Variants in GCM1 observed in about 807,000 individuals in gnomAD.
The protein encoded by GCM1 is chorion-specific transcription factor GCMa.
In GCM1, 2 loss-of-function variants were observed where a neutral mutation model predicts 25.7. The observed-to-expected ratio is 0.08, with a 90% confidence interval of 0.03 to 0.24. GCM1 has a LOEUF of 0.24. Among genes scored for constraint, GCM1 ranks in the 10% least tolerant of loss-of-function variants. The pLI is 1.00. For synonymous variants in GCM1, 183 were observed against 195.7 expected (o/e 0.94, Z 0.54); for missense variants, 395 against 538.7 (o/e 0.73, Z 2.64).
chr6:53,128,575 G>A lies in GCM1; in HGVS notation c.942C>T (p.Ser314=). The A allele has an allele frequency of 6.2e-7, 1 of 1,614,044 alleles. No homozygotes were observed. The highest frequency in any genetic ancestry group is 8.5e-7 in the Non-Finnish European group (1 of 1,179,988). The stretch of plus-strand genomic sequence containing the variant: ...AGCTGGTCAGAGGAAAAGGATAATT[G>A]GAATAACAGTTGTCAGCAAGATGAT... ...GRNHLADNCY[S]NYPFPLTSWP... is the part of the protein sequence containing the mutation. Residue 314 remains serine, a synonymous_variant, in exon 6 of 6, where the codon TCC becomes TCT. Coordinates refer to ENST00000259803, the MANE Select transcript of GCM1 (RefSeq NM_003643.4).
intron 2 of GCM1, among the ~76,000 whole-genome samples, chr6:53,136,898 C>T (rs1396852162): frequency 1.3e-5 from 2 of 152,170 alleles, no homozygotes; most frequent in East Asian, 1.9e-4. Flanking sequence ...ATCTCTTGAA[C>T]CTGGGAGGTG....
chr6:53,140,547 A>AAAAAAAAAAAAAAT (rs398001594), intron 2 of GCM1, among the ~76,000 whole-genome samples: 2 of 151,182 alleles, frequency 1.3e-5, no homozygotes, highest in Non-Finnish European at 3.0e-5. Flanking sequence ...AAAAAAAAAA[A>AAAAAAAAAAAAAAT]GTACTTAAAC....
chr6:53,134,594 G>GCCCTC (rs764567698), intron 2 of GCM1, among the ~76,000 whole-genome samples: 28 of 152,276 alleles, frequency 1.8e-4, no homozygotes, highest in Middle Eastern at 3.4e-3. Context: ...CACTTCCCTA[G>GCCCTC]CCCTCAGTGA....
At chr6:53,129,138 C>T (rs1581848263) in intron 5 of GCM1, among the ~76,000 whole-genome samples, 192 bp from the exon 6 acceptor site, 1 of 152,198 alleles carries the variant, frequency 6.6e-6, no homozygotes, top group Admixed American at 6.5e-5. Context: ...AAAGCAAAGG[C>T]TGCCTCTGTT....
At chr6:53,142,025 A>G (rs1562090901) in intron 2 of GCM1, among the ~76,000 whole-genome samples, 4 of 138,866 alleles carry the variant, frequency 2.9e-5, no homozygotes, top group Non-Finnish European at 6.2e-5. Flanking sequence ...AAAAAAAAAA[A>G]AAAAAAAAAA....
chr6:53,139,495 CAAAAAAAA>C (rs58094365), intron 2 of GCM1, among the ~76,000 whole-genome samples: 1 of 105,832 alleles, frequency 9.4e-6, no homozygotes. Flanking sequence ...ACCCCCATCT[CAAAAAAAA>C]AAAAAAAAAA....
At chr6:53,132,432 C>A (rs1426970629) in intron 3 of GCM1, among the ~76,000 whole-genome samples, 1 of 152,168 alleles carries the variant, frequency 6.6e-6, no homozygotes, top group Non-Finnish European at 1.5e-5. Context: ...AAATTCTGAC[C>A]AGGCACAGTG....
chr6:53,131,119 C>A (rs1763719209), intron 4 of GCM1, among the ~76,000 whole-genome samples, 188 bp from the exon 5 acceptor site: 3 of 152,234 alleles, frequency 2.0e-5, no homozygotes, highest in African/African-American at 7.2e-5. Context: ...GCCTGCCTCT[C>A]ACCCACCCAG....
intron 1 of GCM1, among the ~76,000 whole-genome samples, chr6:53,146,703 T>A (rs1289816464): frequency 1.3e-5 from 2 of 152,180 alleles, no homozygotes; most frequent in Non-Finnish European, 2.9e-5. Context: ...TTCTTTGTTG[T>A]GGGGAGCTTT....
At position 53,134,147 on chromosome 6, in the gene GCM1, C is replaced by T. The variant is rs758477182; in HGVS notation, c.253G>A (p.Asp85Asn). The change falls in exon 3 of 6, where the codon GAC becomes AAC. Residue 85 changes from aspartate (D) to asparagine (N), a missense_variant. Physicochemically the swap from Asp to Asn is conservative, Grantham distance 23. This residue lies in a region of GCM1 where 21 missense variants were observed against 22.9 expected (regional missense o/e 0.92). Transcript: ENST00000259803. The stretch of plus-strand genomic sequence containing the variant: ...TTGCGCCCCTCCTCTGCGAGACAGT[C>T]GCGGCCGCACACCACCACACCCAGG... ...SCLGVVVCGR[D>N]CLAEEGRKIY... 1.4e-5 allele frequency: 23 copies of T among 1,613,968 alleles called. No homozygotes were observed. The Admixed American group carries it at 1.5e-4, about 11-fold the overall frequency.
At chr6:53,135,898 T>C (rs529377161) in intron 2 of GCM1, among the ~76,000 whole-genome samples, 6 of 152,368 alleles carry the variant, frequency 3.9e-5, no homozygotes, top group South Asian at 4.1e-4. Flanking sequence ...CAAAGAACTT[T>C]GTAACTTGAG....
intron 2 of GCM1, among the ~76,000 whole-genome samples, chr6:53,141,968 C>T (rs114386193): frequency 3.6e-3 from 417 of 114,638 alleles, no homozygotes; most frequent in Non-Finnish European, 5.4e-3. Context: ...TGCGCCACTG[C>T]ACTCCAGCTT....
At chr6:53,136,684 C>T (rs1214147895) in intron 2 of GCM1, among the ~76,000 whole-genome samples, 1 of 152,084 alleles carries the variant, frequency 6.6e-6, no homozygotes, top group Non-Finnish European at 1.5e-5. Context: ...AGATAAGAGT[C>T]CAAGTCCCAG....
At chr6:53,147,425 GT>G (rs70980807) in intron 1 of GCM1, among the ~76,000 whole-genome samples, 63,583 of 93,256 alleles carry the variant, frequency 0.68, 21,797 homozygotes, top group Middle Eastern at 0.81. Flanking sequence ...AGTTTTTATT[GT>G]TTTTTTTTTT....
In GCM1 at chr6:53,127,383, T is replaced by C. The variant is rs1344045158; in HGVS notation, c.*823A>G. 2 of 152,214 alleles carry C rather than the reference T, an allele frequency of 1.3e-5. No individual in the cohort carries two copies. The highest frequency in any genetic ancestry group is 2.4e-5 in the African/African-American group (1 of 41,452). 9.4% of individuals were successfully genotyped at this position (152,214 alleles called of 1,614,324 possible). ...TCTAGAAAACATATATTTTACACACTAGTCTCACAACTAGACAACATATTC... is the reference window on the plus strand; with the variant it reads ...TCTAGAAAACATATATTTTACACACCAGTCTCACAACTAGACAACATATTC... On this transcript the variant is annotated 3_prime_UTR_variant, in exon 6 of 6. Coordinates refer to ENST00000259803, the MANE Select transcript of GCM1 (RefSeq NM_003643.4).
chr6:53,132,103 G>T lies in GCM1; in HGVS notation c.345C>A (p.Asn115Lys). The change falls in exon 4 of 6, where the codon AAC becomes AAA. Residue 115 changes from asparagine (N) to lysine (K), a missense_variant. Asn to Lys is a moderately conservative substitution (Grantham distance 94). This residue lies in a region of GCM1 where 32 missense variants were observed against 97.7 expected (regional missense o/e 0.33). Coordinates refer to ENST00000259803, the MANE Select transcript of GCM1 (RefSeq NM_003643.4). ...GGATGAGCTTCAGAGGCCCGTCACA[G>T]TTGGGACAGCGTTTCCCTACAAAAG... The part of the protein sequence containing the change: ...RQKQQRKRCP[N>K]CDGPLKLIPC... The T allele has an allele frequency of 6.2e-7, 1 of 1,610,286 alleles. No individual in the cohort carries two copies. Among genetic ancestry groups the T allele is most frequent in the Non-Finnish European group, 8.5e-7 (1 of 1,176,452 alleles).
Position 53,128,028 on chromosome 6 carries a change from C to CAAAAAAAAAAAAAAAAAAAAAAAAAAAA in GCM1, c.*177_*178insTTTTTTTTTTTTTTTTTTTTTTTTTTTT, listed in dbSNP as rs1223691364. ...TGGGCAAAAGAGCAAGACTCTGTCTCAAAAAAAAAAAAAAAAAAAAAAAAA... is the reference window on the plus strand; with the variant it reads ...TGGGCAAAAGAGCAAGACTCTGTCTCAAAAAAAAAAAAAAAAAAAAAAAAAAAAAAAAAAAAAAAAAAAAAAAAAAAAA... On this transcript the variant is annotated 3_prime_UTR_variant, in exon 6 of 6. Transcript: ENST00000259803. The CAAAAAAAAAAAAAAAAAAAAAAAAAAAA allele has an allele frequency of 3.3e-5, 2 of 59,866 alleles. No individual in the cohort carries two copies. Among genetic ancestry groups the CAAAAAAAAAAAAAAAAAAAAAAAAAAAA allele is most frequent in the Non-Finnish European group, 5.5e-5 (2 of 36,468 alleles). The allele number at this position is 59,866 out of a possible 1,614,324, so 3.7% of individuals were successfully genotyped here.
rs374038938 is a variant in GCM1, at chr6:53,134,321, C to T, written c.79G>A (p.Val27Met). The change falls in exon 3 of 6, where the codon GTG becomes ATG. Residue 27 changes from valine (V) to methionine (M), a missense_variant. Around this residue, in one of 5 missense-constraint regions of GCM1, gnomAD observed 44 missense variants for 60.8 expected, o/e 0.72. Coordinates refer to ENST00000259803, the MANE Select transcript of GCM1 (RefSeq NM_003643.4). ...DINDVKLPQN[V>M]KKTDWFQEWP... ...TCCTGGAACCAGTCGGTTTTTTTCA[C>T]GTTCTGATAGAAACACAAAAGATAC... The T allele has an allele frequency of 1.4e-5, 22 of 1,612,664 alleles. No individual in the cohort carries two copies. Among genetic ancestry groups the T allele is most frequent in the East Asian group, 6.7e-5 (3 of 44,860 alleles).
chr6:53,139,874 A>T (rs1433846094), intron 2 of GCM1, among the ~76,000 whole-genome samples: 1 of 152,066 alleles, frequency 6.6e-6, no homozygotes, highest in Non-Finnish European at 1.5e-5. Context: ...AAATAAATAA[A>T]TAAATAAAAT....
Sources: gnomAD v4.1 joint callset for allele counts (sites outside exome capture counted in the v4.1 genomes callset) on GRCh38, gnomAD v4.1.1 for gene constraint, gnomAD v4.1.1 regional missense constraint, MANE v1.5 for transcripts, NCBI Gene and HGNC (gene_info 2026-07-23, HGNC 2026-07-21) for gene names.